Variants in LRRFIP2 observed in about 807,000 individuals in gnomAD.
The protein encoded by LRRFIP2 is LRR binding FLII interacting protein 2, also known as leucine-rich repeat flightless-interacting protein 2.
A neutral mutation model predicts 125.9 loss-of-function variants in LRRFIP2; 109 were observed. The observed-to-expected ratio is 0.87, with a 90% CI of 0.74 to 1.01. The LOEUF (loss-of-function observed/expected upper bound fraction) is 1.01. Ranked by LOEUF, LRRFIP2 falls within the 50% of genes least tolerant of loss-of-function variation. The pLI, the probability that LRRFIP2 is intolerant of heterozygous loss-of-function variation, is 0.00. For missense variants in LRRFIP2, 850 were observed against 862.3 expected (o/e 0.99, Z 0.18); for synonymous variants, 291 against 293.1 (o/e 0.99, Z 0.07).
chr3:37,091,973 T>C (rs1390308820), intron 17 of LRRFIP2, among the ~76,000 whole-genome samples: 1 of 152,202 alleles, frequency 6.6e-6, no homozygotes, highest in Non-Finnish European at 1.5e-5. Flanking sequence ...TAATGATTCA[T>C]GCAAAAGTTT....
intron 11 of LRRFIP2, 88 bp from the exon 12 acceptor site, chr3:37,108,772 A>G: frequency 8.8e-7 from 1 of 1,136,210 alleles, no homozygotes; most frequent in Non-Finnish European, 1.3e-6. Flanking sequence ...TCAGTACCAA[A>G]AAAGTTTTGG....
chr3:37,131,237 C>T (rs1355815736), intron 2 of LRRFIP2, among the ~76,000 whole-genome samples: 1 of 152,106 alleles, frequency 6.6e-6, no homozygotes, highest in Non-Finnish European at 1.5e-5. Context: ...TGTTCTGTTA[C>T]GCCTCTCTTC....
intron 1 of LRRFIP2, among the ~76,000 whole-genome samples, chr3:37,167,793 G>A (rs1364136372): frequency 4.6e-5 from 7 of 152,090 alleles, no homozygotes; most frequent in Admixed American, 3.9e-4. Context: ...CTGGGCTAAT[G>A]GAGAGACCTC....
chr3:37,076,922 T>C (rs939330184), intron 19 of LRRFIP2, among the ~76,000 whole-genome samples: 1 of 152,142 alleles, frequency 6.6e-6, no homozygotes, highest in African/African-American at 2.4e-5. Context: ...CATAGAATAA[T>C]AAGCTACGGA....
intron 15 of LRRFIP2, among the ~76,000 whole-genome samples, chr3:37,102,722 G>A (rs1043063705): frequency 5.3e-5 from 8 of 151,790 alleles, no homozygotes; most frequent in South Asian, 2.1e-4. Flanking sequence ...GGCTGGTCTC[G>A]AACTCCTGAC....
intron 2 of LRRFIP2, among the ~76,000 whole-genome samples, chr3:37,148,109 A>G (rs1560070807): frequency 1.3e-5 from 2 of 152,354 alleles, no homozygotes; most frequent in Non-Finnish European, 2.9e-5. Flanking sequence ...GAGTATTTCT[A>G]TAATATAGTC....
At chr3:37,107,579 T>A (rs940331965) in intron 13 of LRRFIP2, among the ~76,000 whole-genome samples, 37 of 152,218 alleles carry the variant, frequency 2.4e-4, no homozygotes, top group Non-Finnish European at 4.7e-4. Flanking sequence ...TATAAACTTT[T>A]AAAAATACTC....
intron 1 of LRRFIP2, among the ~76,000 whole-genome samples, chr3:37,158,093 T>C (rs1166091990): frequency 1.3e-5 from 2 of 152,202 alleles, no homozygotes; most frequent in Admixed American, 6.5e-5. Context: ...CATAAATCTT[T>C]ATACTATTTC....
intron 20 of LRRFIP2, among the ~76,000 whole-genome samples, chr3:37,073,323 A>T (rs1027548606): frequency 6.6e-6 from 1 of 152,226 alleles, no homozygotes; most frequent in Non-Finnish European, 1.5e-5. Flanking sequence ...AGCAGAACTG[A>T]TCATTTTGAA....
intron 1 of LRRFIP2, among the ~76,000 whole-genome samples, chr3:37,154,842 C>T (rs972508855): frequency 3.9e-5 from 6 of 152,172 alleles, no homozygotes; most frequent in African/African-American, 1.4e-4. Flanking sequence ...ATACAGGACA[C>T]TTAGAAAGTT....
At chr3:37,112,355 A>G (rs2094581936) in intron 8 of LRRFIP2, among the ~76,000 whole-genome samples, 1 of 151,470 alleles carries the variant, frequency 6.6e-6, no homozygotes, top group African/African-American at 2.4e-5. Context: ...AAAAAAAAAG[A>G]AAAGAAAAAA....
intron 2 of LRRFIP2, among the ~76,000 whole-genome samples, chr3:37,137,225 G>A (rs2095581189): frequency 6.6e-6 from 1 of 152,102 alleles, no homozygotes; most frequent in Non-Finnish European, 1.5e-5. Flanking sequence ...CAATCTGCAT[G>A]CCTCGGCCTC....
At chr3:37,121,352 A>G (rs1471462429) in intron 6 of LRRFIP2, 140 bp downstream of exon 6, 7 of 713,140 alleles carry the variant, frequency 9.8e-6, no homozygotes, top group South Asian at 1.9e-5. Context: ...TCATTTTCCA[A>G]TGAAAGGTCT....
chr3:37,089,402 G>A (rs922750783), intron 18 of LRRFIP2, among the ~76,000 whole-genome samples: 3 of 152,166 alleles, frequency 2.0e-5, no homozygotes, highest in African/African-American at 4.8e-5. Context: ...GAGAGTGGTT[G>A]AGAGCATCCC....
intron 21 of LRRFIP2, 135 bp from the exon 22 acceptor site, chr3:37,066,460 A>G: frequency 1.4e-6 from 1 of 704,304 alleles, no homozygotes; most frequent in Non-Finnish European, 2.6e-6. Context: ...GATTGGAAAC[A>G]AACAGTCAGA....
chr3:37,124,074 C>T (rs2095178545), intron 4 of LRRFIP2, among the ~76,000 whole-genome samples: 1 of 152,160 alleles, frequency 6.6e-6, no homozygotes, highest in Non-Finnish European at 1.5e-5. Flanking sequence ...ATTCCACAGT[C>T]ACAAACTATA....
chr3:37,109,830 C>T, intron 9 of LRRFIP2, 127 bp from the exon 10 acceptor site: 1 of 738,522 alleles, frequency 1.4e-6, no homozygotes, highest in Non-Finnish European at 2.2e-6. Context: ...TTCCTGAGTG[C>T]TTAAGGTAGT....
chr3:37,055,677 A>G (rs376168031), intron 25 of LRRFIP2, among the ~76,000 whole-genome samples: 1 of 152,166 alleles, frequency 6.6e-6, no homozygotes, highest in Non-Finnish European at 1.5e-5. Context: ...ATATGTTACT[A>G]CAGTATCCCT....
Position 37,114,695 on chromosome 3 carries a change from G to C in LRRFIP2, c.372+359C>G, listed in dbSNP as rs142725456. Among the ~76,000 whole-genome samples the C allele has an allele frequency of 7.5e-3, 1,133 of 151,988 alleles. 11 individuals are homozygous for C. The highest frequency in any genetic ancestry group is 0.022 in the South Asian group (105 of 4,818). ...CGCTACTCAGAAGGCTGAGGTGGGAGGATCCCTTGAATCCAGGAGTTCAAG... is the reference window on the plus strand; with the variant it reads ...CGCTACTCAGAAGGCTGAGGTGGGACGATCCCTTGAATCCAGGAGTTCAAG... On this transcript the variant is annotated intron_variant, in intron 7 of 27. Transcript: ENST00000336686.
Sources: allele counts gnomAD v4.1 joint callset (sites outside exome capture counted in the v4.1 genomes callset), GRCh38; gene constraint gnomAD v4.1.1; transcripts MANE v1.5; gene names NCBI Gene and HGNC (gene_info 2026-07-23, HGNC 2026-07-21).